NIBAN1: variants seen among roughly 807,000 people sequenced by gnomAD.
NIBAN1 encodes the protein niban apoptosis regulator 1.
A neutral mutation model predicts 75.1 loss-of-function variants in NIBAN1; 81 were observed. The observed-to-expected ratio is 1.08, with a 90% CI of 0.90 to 1.30. The LOEUF (loss-of-function observed/expected upper bound fraction) is 1.30. Among genes scored for constraint, NIBAN1 ranks in the 50% most tolerant of loss-of-function variants. The pLI is 0.00. For synonymous variants in NIBAN1, 436 were observed against 424.8 expected, an observed-to-expected ratio of 1.03 and a Z score of -0.32; for missense variants, 1,133 against 1,128.1, an observed-to-expected ratio of 1.00 and a Z score of -0.06.
At chr1:184,810,651 T>C (rs781532845) in intron 9 of NIBAN1, among the ~76,000 whole-genome samples, 3 of 152,206 alleles carry the variant, frequency 2.0e-5, no homozygotes, top group Admixed American at 6.5e-5. Context: ...AAATGCTGAG[T>C]TGTAACCAGT....
intron 1 of NIBAN1, among the ~76,000 whole-genome samples, chr1:184,964,373 A>T (rs1405346201): frequency 2.0e-5 from 3 of 152,246 alleles, no homozygotes; most frequent in Non-Finnish European, 4.4e-5. Context: ...AAAAGCATGC[A>T]CAGAGAAGAG....
intron 1 of NIBAN1, among the ~76,000 whole-genome samples, chr1:184,934,889 T>G (rs1249041390): frequency 6.7e-6 from 1 of 149,930 alleles, no homozygotes; most frequent in Non-Finnish European, 1.5e-5. Context: ...AGAGACTCCA[T>G]CTCAAAAAAT....
intron 9 of NIBAN1, among the ~76,000 whole-genome samples, chr1:184,812,740 G>A (rs1654419096): frequency 6.6e-6 from 1 of 152,246 alleles, no homozygotes. Flanking sequence ...CTTCTGGGAA[G>A]GGCAGTAGAG....
intron 2 of NIBAN1, among the ~76,000 whole-genome samples, chr1:184,896,377 T>C (rs1193032695): frequency 1.3e-5 from 2 of 152,230 alleles, no homozygotes; most frequent in Admixed American, 6.5e-5. Context: ...TGTCTGTTCA[T>C]GTCCTTTGCC....
At chr1:184,914,752 G>A (rs572589459) in intron 1 of NIBAN1, among the ~76,000 whole-genome samples, 9 of 142,114 alleles carry the variant, frequency 6.3e-5, no homozygotes, top group South Asian at 4.4e-4. Flanking sequence ...ACAGAATCTC[G>A]CTCTGTCACC....
chr1:184,838,881 T>C (rs949389191), intron 5 of NIBAN1, among the ~76,000 whole-genome samples: 1 of 152,194 alleles, frequency 6.6e-6, no homozygotes, highest in African/African-American at 2.4e-5. Flanking sequence ...GGGTGATTTG[T>C]GAAAGTTATG....
chr1:184,940,470 T>G (rs1284598111), intron 1 of NIBAN1, among the ~76,000 whole-genome samples: 3 of 152,208 alleles, frequency 2.0e-5, no homozygotes, highest in Non-Finnish European at 4.4e-5. Context: ...ACCACTCAGC[T>G]TTGAGTGGCT....
chr1:184,832,651 G>C (rs1655030064), intron 5 of NIBAN1, among the ~76,000 whole-genome samples: 1 of 152,166 alleles, frequency 6.6e-6, no homozygotes, highest in African/African-American at 2.4e-5. Flanking sequence ...TGACCTCAGA[G>C]CTTGCCTCTA....
chr1:184,901,374 T>A (rs1424429877), intron 1 of NIBAN1, among the ~76,000 whole-genome samples: 1 of 152,246 alleles, frequency 6.6e-6, no homozygotes, highest in Non-Finnish European at 1.5e-5. Flanking sequence ...TATTAATCAG[T>A]ATTTGCATAA....
chr1:184,894,986 T>A (rs1486058759), intron 2 of NIBAN1, among the ~76,000 whole-genome samples: 2 of 152,220 alleles, frequency 1.3e-5, no homozygotes, highest in Non-Finnish European at 2.9e-5. Context: ...TTCTTTTACA[T>A]GTCACTGAGT....
intron 1 of NIBAN1, among the ~76,000 whole-genome samples, chr1:184,919,844 CA>C (rs200375866): frequency 0.016 from 2,286 of 143,004 alleles, 39 homozygotes; most frequent in African/African-American, 0.036. Flanking sequence ...CTCCAGATAA[CA>C]AAAAAAAATT....
rs1217058313 is a variant in NIBAN1 at position 184,795,240 on chromosome 1, C to T, written c.2524G>A (p.Glu842Lys). The T allele has an allele frequency of 6.2e-7, 1 of 1,613,812 alleles. No homozygotes were observed. Among genetic ancestry groups the T allele is most frequent in the South Asian group, 1.1e-5 (1 of 91,092 alleles). ...CTEEGDASQQ[E>K]GCTLGSDPIC... ...GGGTCAGAACCTAAGGTGCAGCCCT[C>T]TTGCTGTGAGGCATCCCCTTCCTCG... Residue 842 changes from glutamate (E) to lysine (K), a missense_variant, in exon 14 of 14, where the codon GAG (glutamate) becomes AAG (lysine). Physicochemically the swap from Glu to Lys is moderately conservative, Grantham distance 56. Coordinates refer to ENST00000367511, the MANE Select transcript of NIBAN1 (RefSeq NM_052966.4).
At position 184,890,171 on chromosome 1, in the gene NIBAN1, T is replaced by C. The variant is rs769039059; in HGVS notation, c.370A>G (p.Lys124Glu). 1 of 1,613,994 alleles carries C rather than the reference T, an allele frequency of 6.2e-7. No individual in the cohort carries two copies. Among genetic ancestry groups the C allele is most frequent in the African/African-American group, 1.3e-5 (1 of 75,028 alleles). Residue 124 changes from lysine (K) to glutamate (E), a missense_variant, in exon 4 of 14, where the codon AAG (lysine) becomes GAG (glutamate). Transcript: ENST00000367511. The part of the protein sequence containing the change: ...PKCRILPAGG[K>E]VLTSEDEYNL... The stretch of plus-strand genomic sequence containing the variant: ...TATTCATCTTCTGAGGTTAACACCT[T>C]GCCACCGGCTGGAAGAATTCGACAT...
At chr1:184,867,503 A>G (rs1428723677) in intron 5 of NIBAN1, among the ~76,000 whole-genome samples, 4 of 152,156 alleles carry the variant, frequency 2.6e-5, no homozygotes, top group Non-Finnish European at 5.9e-5. Context: ...AAAAAGAAGG[A>G]TATCTTCAAC....
chr1:184,898,328 C>G (rs1220019374), intron 2 of NIBAN1, among the ~76,000 whole-genome samples: 1 of 151,992 alleles, frequency 6.6e-6, no homozygotes, highest in Non-Finnish European at 1.5e-5. Context: ...TAAAATAAGG[C>G]TCTAGGCTGG....
chr1:184,914,413 A>G (rs1350645261), intron 1 of NIBAN1, among the ~76,000 whole-genome samples: 1 of 152,218 alleles, frequency 6.6e-6, no homozygotes, highest in African/African-American at 2.4e-5. Context: ...TGTGGTGTCT[A>G]CTAGAAGTGT....
rs1016583110 is a variant in NIBAN1, at chr1:184,955,843, A to G, written c.55+18459T>C. On this transcript the variant is annotated intron_variant, in intron 1 of 13. Transcript: ENST00000367511. The stretch of plus-strand genomic sequence containing the variant: ...CAAAGGCAAGGTGTGTCATGTAGAG[A>G]TGAGAAGGTTGGGCAGAAATAATGT... Among the ~76,000 whole-genome samples, 23 of 152,128 alleles carry G rather than the reference A, an allele frequency of 1.5e-4. 1 individual carries two copies. The highest frequency in any genetic ancestry group is 6.5e-5 in the Admixed American group (1 of 15,276).
intron 5 of NIBAN1, among the ~76,000 whole-genome samples, chr1:184,840,321 A>C (rs1463416779): frequency 1.3e-5 from 2 of 152,324 alleles, no homozygotes; most frequent in East Asian, 3.9e-4. Flanking sequence ...TGACCAAATC[A>C]TATCTGTATT....
chr1:184,885,746 A>C (rs1656508977), intron 4 of NIBAN1, among the ~76,000 whole-genome samples: 1 of 152,200 alleles, frequency 6.6e-6, no homozygotes, highest in South Asian at 2.1e-4. Context: ...CCAACTGCTG[A>C]AGCCATTTAT....
Sources: gnomAD v4.1 joint callset for allele counts (sites outside exome capture counted in the v4.1 genomes callset) on GRCh38, gnomAD v4.1.1 for gene constraint, MANE v1.5 for transcripts, NCBI Gene and HGNC (gene_info 2026-07-23, HGNC 2026-07-21) for gene names.